Variants in MOXD1 observed in about 807,000 individuals in gnomAD.
MOXD1 encodes the protein DBH-like monooxygenase protein 1.
In MOXD1, 62 loss-of-function variants were observed where a neutral mutation model predicts 66.6. The ratio of observed to expected loss-of-function variants is 0.93; its 90% CI spans 0.76 to 1.15. The LOEUF (loss-of-function observed/expected upper bound fraction) is 1.15. Among genes scored for constraint, MOXD1 ranks in the 50% most tolerant of loss-of-function variants. The probability of loss-of-function intolerance (pLI) is 0.00; values close to 1 mark genes in which losing one functional copy is unlikely to be tolerated. For synonymous variants in MOXD1, 303 were observed against 281.9 expected (o/e 1.07, Z -0.75); for missense variants, 847 against 754.6 (o/e 1.12, Z -1.44).
At chr6:132,356,462 G>C (rs1472146532) in intron 4 of MOXD1, among the ~76,000 whole-genome samples, 1 of 152,096 alleles carries the variant, frequency 6.6e-6, no homozygotes, top group Non-Finnish European at 1.5e-5. Flanking sequence ...AAAGTAATCT[G>C]ACAAATATAT....
At position 132,324,243 on chromosome 6, in the gene MOXD1, G is replaced by T. The variant is rs1775141418; in HGVS notation, c.947-146C>A. 6.2e-6 allele frequency: 5 copies of T among 806,282 alleles called. No individual in the cohort carries two copies. In the Admixed American group the frequency reaches 1.5e-4, roughly 24 times the overall value. 49.9% of individuals were successfully genotyped at this position (806,282 alleles called of 1,614,324 possible). The stretch of plus-strand genomic sequence containing the variant: ...TTCCATAAACTGTCATGAGGGAAAG[G>T]GATTCAAGCAGAGATTAGTGGCAGA... On this transcript the variant is annotated intron_variant, in intron 6 of 11. Transcript: ENST00000367963.
At position 132,322,796 on chromosome 6, in the gene MOXD1, G is replaced by A; in HGVS notation, c.1188C>T (p.Gly396=). The change falls in exon 8 of 12, where the codon GGC becomes GGT. Residue 396 remains glycine, a synonymous_variant. Coordinates refer to ENST00000367963, the MANE Select transcript of MOXD1 (RefSeq NM_015529.4). ...CTTTTCGAAAATGACGCAGCCTGATGCCTCTGCCAGCCAGGTGAGCATGGA... is the reference window on the plus strand; with the variant it reads ...CTTTTCGAAAATGACGCAGCCTGATACCTCTGCCAGCCAGGTGAGCATGGA... ...VLLHAHLAGR[G]IRLRHFRKGK... 6 of 1,614,056 alleles carry A rather than the reference G, an allele frequency of 3.7e-6. No homozygotes were observed. Among genetic ancestry groups the A allele is most frequent in the Non-Finnish European group, 5.1e-6 (6 of 1,179,970 alleles).
At chr6:132,397,684 A>AAGAAAG (rs1554239249) in intron 1 of MOXD1, among the ~76,000 whole-genome samples, 86 of 134,682 alleles carry the variant, frequency 6.4e-4, no homozygotes, top group African/African-American at 2.2e-3. Context: ...GAAAGAAAGA[A>AAGAAAG]AGAAAGAAAG....
chr6:132,303,708 TACACAC>T (rs1230084737), intron 10 of MOXD1, among the ~76,000 whole-genome samples: 22 of 135,972 alleles, frequency 1.6e-4, no homozygotes, highest in Admixed American at 1.5e-3. Flanking sequence ...ACTGTATACA[TACACAC>T]ACACACACAC....
intron 1 of MOXD1, among the ~76,000 whole-genome samples, chr6:132,392,861 G>A (rs1183928668): frequency 6.6e-6 from 1 of 152,182 alleles, no homozygotes; most frequent in Non-Finnish European, 1.5e-5. Flanking sequence ...GAGTCAAAAA[G>A]GTTAAAATGG....
At chr6:132,298,084 G>T in intron 10 of MOXD1, 129 bp from the exon 11 acceptor site, 1 of 625,328 alleles carries the variant, frequency 1.6e-6, no homozygotes, top group Non-Finnish European at 2.5e-6. Context: ...AATGCAAAAT[G>T]TTGATGAGCT....
In MOXD1 at chr6:132,401,418, G is replaced by T; in HGVS notation, c.9C>A (p.Cys3Ter). The change falls in exon 1 of 12, where the codon TGC (cysteine) becomes TGA (stop). Residue 3 changes from cysteine (C) to a stop codon, truncating the protein, a stop_gained. Transcript: ENST00000367963. LOFTEE classifies it high-confidence loss of function. ...GCCCCCACAGCAGGAGCAGCGGCCA[G>T]CAGCACATCCTCGGGCGCCTCCTGC... MC[C>*]WPLLLLWGLL... is the part of the protein sequence containing the mutation. 1 of 1,504,126 alleles carries T rather than the reference G, an allele frequency of 6.6e-7. No homozygotes were observed. 93.2% of individuals were successfully genotyped at this position (1,504,126 alleles called of 1,614,324 possible).
chr6:132,366,393 T>A (rs1041398900), intron 4 of MOXD1, among the ~76,000 whole-genome samples: 1 of 151,832 alleles, frequency 6.6e-6, no homozygotes, highest in Non-Finnish European at 1.5e-5. Flanking sequence ...GTCTCCCATA[T>A]GAAAAAGTGA....
intron 1 of MOXD1, among the ~76,000 whole-genome samples, chr6:132,392,499 C>G (rs897574620): frequency 6.6e-6 from 1 of 151,864 alleles, no homozygotes; most frequent in Non-Finnish European, 1.5e-5. Context: ...ATGATTCGGG[C>G]GGGGGTGGAG....
At chr6:132,303,889 A>G in intron 10 of MOXD1, among the ~76,000 whole-genome samples, 1 of 116,482 alleles carries the variant, frequency 8.6e-6, no homozygotes, top group Non-Finnish European at 1.7e-5. Context: ...ACATATATAC[A>G]TAAAACCTTA....
At chr6:132,299,889 CCTCTCTCT>C (rs3038133) in intron 10 of MOXD1, among the ~76,000 whole-genome samples, 2 of 146,396 alleles carry the variant, frequency 1.4e-5, no homozygotes, top group African/African-American at 2.5e-5. Flanking sequence ...TTTCTCTCTC[CCTCTCTCT>C]CTCTCTCTCT....
At chr6:132,354,867 A>G (rs1395228880) in intron 4 of MOXD1, among the ~76,000 whole-genome samples, 1 of 152,088 alleles carries the variant, frequency 6.6e-6, no homozygotes, top group East Asian at 1.9e-4. Context: ...TCCCAGGTCA[A>G]TGGAGTCATC....
At chr6:132,347,302 A>G (rs1775687298) in intron 4 of MOXD1, among the ~76,000 whole-genome samples, 1 of 152,166 alleles carries the variant, frequency 6.6e-6, no homozygotes, top group Non-Finnish European at 1.5e-5. Flanking sequence ...GTGGAGATAC[A>G]AGGGAGGGAG....
At chr6:132,395,539 C>T (rs957911972) in intron 1 of MOXD1, among the ~76,000 whole-genome samples, 3 of 152,004 alleles carry the variant, frequency 2.0e-5, no homozygotes, top group Non-Finnish European at 2.9e-5. Context: ...TCAATAATAA[C>T]CCGGAATGTA....
At chr6:132,351,819 G>A (rs765305509) in intron 4 of MOXD1, among the ~76,000 whole-genome samples, 4 of 152,048 alleles carry the variant, frequency 2.6e-5, no homozygotes, top group Non-Finnish European at 2.9e-5. Flanking sequence ...GCTTGCTATT[G>A]GTCTGTTCAA....
At chr6:132,387,877 C>T (rs770225741) in intron 1 of MOXD1, among the ~76,000 whole-genome samples, 1 of 149,628 alleles carries the variant, frequency 6.7e-6, no homozygotes, top group African/African-American at 2.4e-5. Flanking sequence ...AAATACCTTA[C>T]TATTACTCAG....
chr6:132,359,738 T>G (rs969003878), intron 4 of MOXD1, among the ~76,000 whole-genome samples: 18 of 152,208 alleles, frequency 1.2e-4, no homozygotes, highest in South Asian at 4.1e-4. Flanking sequence ...CGCCCGCCTC[T>G]GCCTCCCAAA....
intron 4 of MOXD1, among the ~76,000 whole-genome samples, chr6:132,350,057 T>C (rs993954183): frequency 5.3e-5 from 8 of 152,232 alleles, no homozygotes; most frequent in Admixed American, 2.0e-4. Context: ...GTGAAAATTT[T>C]CCCCCACTCT....
intron 4 of MOXD1, among the ~76,000 whole-genome samples, chr6:132,353,481 G>A (rs1479735150): frequency 6.6e-6 from 1 of 152,178 alleles, no homozygotes; most frequent in Non-Finnish European, 1.5e-5. Flanking sequence ...GGATTCTGAA[G>A]ATAAAGCCTC....
Sources: gnomAD v4.1 joint callset for allele counts (sites outside exome capture counted in the v4.1 genomes callset) on GRCh38, gnomAD v4.1.1 for gene constraint, MANE v1.5 for transcripts, NCBI Gene and HGNC (gene_info 2026-07-23, HGNC 2026-07-21) for gene names.